The following ETNPPL variants were observed in gnomAD, a reference collection of about 807,000 sequenced individuals.
ETNPPL encodes the protein alanine--glyoxylate aminotransferase 2-like 1.
In ETNPPL, 30 loss-of-function variants were observed where a neutral mutation model predicts 55.5. That is an observed-to-expected ratio of 0.54 (90% CI 0.40 to 0.73). ETNPPL has a LOEUF of 0.73. Among genes scored for constraint, ETNPPL ranks in the 30% least tolerant of loss-of-function variants. The pLI is 0.00. For synonymous variants in ETNPPL, 202 were observed against 207.2 expected (o/e 0.98, Z 0.21); for missense variants, 528 against 607.9 (o/e 0.87, Z 1.38).
chr4:108,746,698 G>T lies in ETNPPL; in HGVS notation c.1172+64C>A, dbSNP rs1728516522. On this transcript the variant is annotated intron_variant, in intron 10 of 12. Transcript: ENST00000296486. The stretch of plus-strand genomic sequence containing the variant: ...AGAGGGATGGGAGGAAGTCAAGCAA[G>T]CTTTCAAGTGGGTAGGCATCCTGCA... The T allele has an allele frequency of 7.2e-6, 11 of 1,532,608 alleles. No individual in the cohort carries two copies. In the South Asian group the frequency reaches 1.1e-4, roughly 16 times the overall value. The allele number at this position is 1,532,608 out of a possible 1,614,324, so 94.9% of individuals were successfully genotyped here. A position where few individuals can be genotyped will look rare whatever the true frequency, so the allele number is the denominator to read the frequency against.
At chr4:108,746,630 A>T in intron 10 of ETNPPL, 101 bp from the exon 11 acceptor site, 1 of 1,469,656 alleles carries the variant, frequency 6.8e-7, no homozygotes, top group Non-Finnish European at 9.4e-7. Context: ...TGCATTTAAG[A>T]AGCCCACATT....
intron 9 of ETNPPL, 69 bp downstream of exon 9, chr4:108,747,936 C>T: frequency 7.4e-7 from 1 of 1,357,398 alleles, no homozygotes; most frequent in Non-Finnish European, 1.0e-6. Flanking sequence ...CACCATGTTG[C>T]CCAGCCTATA....
At position 108,760,193 on chromosome 4, in the gene ETNPPL, G is replaced by A. The variant is rs1729443652; in HGVS notation, c.170C>T (p.Ala57Val). Reference protein sequence around the residue: ...EQYLDCINNVAHVGHCHPGVV... With the variant: ...EQYLDCINNVVHVGHCHPGVV... ...TGCAAGGACAGGACATTTACCATGG[G>A]CAACATTGTTGATGCAGTCCAAGTA... Residue 57 changes from alanine (A) to valine (V), a missense_variant, in exon 2 of 13, where the codon GCC (alanine) becomes GTC (valine). Ala to Val is a moderately conservative substitution (Grantham distance 64). Coordinates refer to ENST00000296486, the MANE Select transcript of ETNPPL (RefSeq NM_031279.4). 1 of 1,581,374 alleles carries A rather than the reference G, an allele frequency of 6.3e-7. No homozygotes were observed. Among genetic ancestry groups the A allele is most frequent in the Admixed American group, 1.7e-5 (1 of 59,848 alleles).
At position 108,742,499 on chromosome 4, in the gene ETNPPL, C is replaced by G; in HGVS notation, c.1485G>C (p.Lys495Asn). 8 of 1,614,180 alleles carry G rather than the reference C, an allele frequency of 5.0e-6. No individual in the cohort carries two copies. Among genetic ancestry groups the G allele is most frequent in the Non-Finnish European group, 6.8e-6 (8 of 1,180,010 alleles). ...TGCAAATCAGTCATGTCTTGAGCCT[C>G]TTACTGAGCAGTGAATGTGTATCCG... ...MCTDTHSLLS[K>N]RLKT The change falls in exon 13 of 13, where the codon AAG (lysine) becomes AAC (asparagine). Residue 495 changes from lysine to asparagine, a missense_variant. Lys to Asn is a moderately conservative substitution (Grantham distance 94). Coordinates refer to ENST00000296486, the MANE Select transcript of ETNPPL (RefSeq NM_031279.4).
At chr4:108,743,067 AG>A (rs765719550) in intron 12 of ETNPPL, among the ~76,000 whole-genome samples, 5 of 152,358 alleles carry the variant, frequency 3.3e-5, no homozygotes, top group Non-Finnish European at 7.3e-5. Context: ...TCATTCAAAC[AG>A]CCTGATGATT....
Position 108,756,490 on chromosome 4 carries a change from G to T in ETNPPL, c.338C>A (p.Ser113Tyr). 2 of 1,611,690 alleles carry T rather than the reference G, an allele frequency of 1.2e-6. No individual in the cohort carries two copies. Among genetic ancestry groups the T allele is most frequent in the Non-Finnish European group, 1.7e-6 (2 of 1,177,816 alleles). Reference sequence around the variant, plus strand: ...GCGTAAGGCTAAGTCGTTGGCTTCGGATCTATTAAGATAACATAGAGAGAG... The same window carrying T: ...GCGTAAGGCTAAGTCGTTGGCTTCGTATCTATTAAGATAACATAGAGAGAG... ...LSVCYFTNSG[S>Y]EANDLALRLA... The change falls in exon 4 of 13, where the codon TCC becomes TAC. Residue 113 changes from serine (S) to tyrosine (Y), a missense_variant and splice_region_variant. Coordinates refer to ENST00000296486, the MANE Select transcript of ETNPPL (RefSeq NM_031279.4).
At position 108,758,073 on chromosome 4, in the gene ETNPPL, T is replaced by G. The variant is rs367692491; in HGVS notation, c.336-1581A>C. ...AGGCTGGAGTGCAATGGTGTGATCTTGGCTCACTGCAACCTGACTGCAATT... is the reference window on the plus strand; with the variant it reads ...AGGCTGGAGTGCAATGGTGTGATCTGGGCTCACTGCAACCTGACTGCAATT... On this transcript the variant is annotated intron_variant, in intron 3 of 12. Transcript: ENST00000296486. 2.4e-4 allele frequency among the ~76,000 whole-genome samples: 36 copies of G among 150,522 alleles called. No individual in the cohort carries two copies. The East Asian group carries it at 3.5e-3, about 15-fold the overall frequency.
intron 8 of ETNPPL, among the ~76,000 whole-genome samples, chr4:108,748,916 T>G (rs944428431): frequency 1.7e-4 from 26 of 152,146 alleles, no homozygotes; most frequent in African/African-American, 6.3e-4. Context: ...AAAATCTGGT[T>G]AGATAAAAGT....
intron 5 of ETNPPL, among the ~76,000 whole-genome samples, chr4:108,753,769 AAAG>A (rs1560656267): frequency 3.7e-4 from 45 of 121,560 alleles, no homozygotes; most frequent in Admixed American, 8.7e-4. Flanking sequence ...AGAAAGAAAG[AAAG>A]AAAGAAAGAA....
rs559374957 is a variant in ETNPPL at position 108,749,614 on chromosome 4, C to A, written c.702-151G>T. On this transcript the variant is annotated intron_variant, in intron 7 of 12. Coordinates refer to ENST00000296486, the MANE Select transcript of ETNPPL (RefSeq NM_031279.4). Reference sequence around the variant, plus strand: ...AAACATTTCAGTACTCTAAACCCCACATAAATGTCATTGACTTTACAATAT... The same window carrying A: ...AAACATTTCAGTACTCTAAACCCCAAATAAATGTCATTGACTTTACAATAT... The A allele has an allele frequency of 1.7e-4, 105 of 605,836 alleles. 1 individual carries two copies. The South Asian group carries it at 1.9e-3, about 11-fold the overall frequency. 37.5% of individuals were successfully genotyped at this position (605,836 alleles called of 1,614,324 possible).
chr4:108,754,668 T>A lies in ETNPPL; in HGVS notation c.453A>T (p.Pro151=), dbSNP rs752510898. 9 of 1,601,110 alleles carry A rather than the reference T, an allele frequency of 5.6e-6. No individual in the cohort carries two copies. Among genetic ancestry groups the A allele is most frequent in the Middle Eastern group, 1.6e-4 (1 of 6,066 alleles). ...CATCTTTTCCTTTCTGAAACTTATA[T>A]GGGCTAATCTCAATTAAGGATGATA... is the stretch of plus-strand genomic sequence containing the variant. ...GHLSSLIEIS[P]YKFQKGKDVK... The change falls in exon 5 of 13, where the codon CCA becomes CCT. Residue 151 remains proline, a synonymous_variant. Coordinates refer to ENST00000296486, the MANE Select transcript of ETNPPL (RefSeq NM_031279.4).
chr4:108,759,919 T>C lies in ETNPPL; in HGVS notation c.176-11A>G, dbSNP rs753045990. On this transcript the variant is annotated splice_polypyrimidine_tract_variant and intron_variant, in intron 2 of 12. Coordinates refer to ENST00000296486, the MANE Select transcript of ETNPPL (RefSeq NM_031279.4). The stretch of plus-strand genomic sequence containing the variant: ...GGTGACAGTGTCCCACTAAAATTTA[T>C]GAAACAAAAGCCCAAGAAATAAGTT... 3.7e-6 allele frequency: 6 copies of C among 1,611,688 alleles called. No individual in the cohort carries two copies. The African/African-American group carries it at 5.3e-5, about 14-fold the overall frequency.
chr4:108,749,908 T>C lies in ETNPPL; in HGVS notation c.702-445A>G, dbSNP rs142859675. ...AAAAGGTTTTGTAGAGAGGGGGGTC[T>C]TGCTATGTTGCCCAGCTGGTATTGA... On this transcript the variant is annotated intron_variant, in intron 7 of 12. Transcript: ENST00000296486. Among the ~76,000 whole-genome samples, 4 of 152,290 alleles carry C rather than the reference T, an allele frequency of 2.6e-5. No homozygotes were observed. In the East Asian group the frequency reaches 7.7e-4, roughly 29 times the overall value.
intron 4 of ETNPPL, among the ~76,000 whole-genome samples, chr4:108,755,114 A>T (rs970820857): frequency 2.0e-5 from 3 of 152,216 alleles, no homozygotes; most frequent in African/African-American, 7.2e-5. Context: ...TAAATTTAAA[A>T]ACAACTTTAT....
At chr4:108,744,656 C>T (rs1728380368) in intron 11 of ETNPPL, among the ~76,000 whole-genome samples, 1 of 151,874 alleles carries the variant, frequency 6.6e-6, no homozygotes, top group South Asian at 2.1e-4. Flanking sequence ...TATATTGATT[C>T]CTAGCTTCTT....
At chr4:108,754,584 T>C (rs1301207032) in intron 5 of ETNPPL, 36 bp downstream of exon 5, 16 of 1,091,888 alleles carry the variant, frequency 1.5e-5, no homozygotes, top group Admixed American at 7.3e-5. Context: ...ATTCCTCCAA[T>C]ACAAACATTC....
intron 6 of ETNPPL, among the ~76,000 whole-genome samples, chr4:108,751,610 T>C (rs1728917854): frequency 1.3e-5 from 2 of 152,168 alleles, no homozygotes; most frequent in Non-Finnish European, 2.9e-5. Context: ...AAACAGATAA[T>C]GTTGAAGAGA....
chr4:108,742,754 C>G (rs1728281313), intron 12 of ETNPPL, 142 bp from the exon 13 acceptor site: 2 of 826,998 alleles, frequency 2.4e-6, no homozygotes, highest in African/African-American at 1.7e-5. Context: ...CTAACCCTCT[C>G]CTCAGTATCT....
chr4:108,760,583 T>G (rs1390078631), intron 1 of ETNPPL, among the ~76,000 whole-genome samples: 1 of 152,236 alleles, frequency 6.6e-6, no homozygotes, highest in African/African-American at 2.4e-5. Context: ...CTCTGATGGT[T>G]CTAATCACAC....
Sources: allele counts gnomAD v4.1 joint callset (sites outside exome capture counted in the v4.1 genomes callset), GRCh38; gene constraint gnomAD v4.1.1; transcripts MANE v1.5; gene names NCBI Gene and HGNC (gene_info 2026-07-23, HGNC 2026-07-21).